Variants in PAPOLA observed in about 807,000 individuals in gnomAD.
PAPOLA encodes poly(A) polymerase alpha, also known as polynucleotide adenylyltransferase alpha.
A neutral mutation model predicts 100.6 loss-of-function variants in PAPOLA; 15 were observed. The observed-to-expected ratio is 0.15, with a 90% confidence interval of 0.10 to 0.23. The LOEUF is 0.23. Among genes scored for constraint, PAPOLA ranks in the 10% least tolerant of loss-of-function variants. PAPOLA has a pLI of 1.00. For missense variants in PAPOLA, 533 were observed against 884.2 expected (o/e 0.60, Z 5.04); for synonymous variants, 293 against 300.0 (o/e 0.98, Z 0.24).
chr14:96,542,544 C>T, intron 13 of PAPOLA: 1 of 543,058 alleles, frequency 1.8e-6, no homozygotes, highest in Non-Finnish European at 3.2e-6. Flanking sequence ...GCACTTATAG[C>T]TTGTTTTTCT....
At chr14:96,556,564 C>T in intron 19 of PAPOLA, 151 bp downstream of exon 19, 1 of 668,302 alleles carries the variant, frequency 1.5e-6, no homozygotes, top group Non-Finnish European at 2.7e-6. Context: ...TGCTTTAGTG[C>T]TGTAGTTTCT....
At chr14:96,515,865 T>A (rs1897414456) in intron 1 of PAPOLA, among the ~76,000 whole-genome samples, 1 of 152,214 alleles carries the variant, frequency 6.6e-6, no homozygotes, top group Non-Finnish European at 1.5e-5. Flanking sequence ...TAAAAATGTT[T>A]CTAGAATGGG....
At chr14:96,534,392 TGAA>T (rs1168168411) in intron 9 of PAPOLA, 96 bp from the exon 10 acceptor site, 5 of 1,538,888 alleles carry the variant, frequency 3.2e-6, no homozygotes, top group Non-Finnish European at 4.4e-6. Flanking sequence ...GAAGGCAGAA[TGAA>T]GAAGGATCAC....
rs528140102 is a variant in PAPOLA at position 96,566,525 on chromosome 14, C to T, written c.*1475C>T. ...TCACATGTGCATTTTTCATGTTAAA[C>T]TGCAATTACTTAATCTCTTCCCCTA... On this transcript the variant is annotated 3_prime_UTR_variant, in exon 22 of 22. Coordinates refer to ENST00000216277, the MANE Select transcript of PAPOLA (RefSeq NM_032632.5). 6.6e-6 allele frequency: 1 copy of T among 152,542 alleles called. No homozygotes were observed. The highest frequency in any genetic ancestry group is 1.5e-5 in the Non-Finnish European group (1 of 67,998). The allele number at this position is 152,542 out of a possible 1,614,324, so 9.4% of individuals were successfully genotyped here.
chr14:96,527,438 A>G lies in PAPOLA; in HGVS notation c.340A>G (p.Ile114Val), dbSNP rs763112459. ...RLGVHTKGAD[I>V]DALCVAPRHV... ...GGCTTAATTTTTTTTAGGTGCTGAT[A>G]TTGATGCGTTGTGTGTTGCACCAAG... Residue 114 changes from isoleucine to valine, a missense_variant, in exon 5 of 22, where the codon ATT (isoleucine) becomes GTT (valine). Physicochemically the swap from Ile to Val is conservative, Grantham distance 29 (BLOSUM62 3). Coordinates refer to ENST00000216277, the MANE Select transcript of PAPOLA (RefSeq NM_032632.5). 2.2e-5 allele frequency: 36 copies of G among 1,606,586 alleles called. 1 individual carries two copies. The Admixed American group carries it at 5.9e-4, about 26-fold the overall frequency.
chr14:96,533,273 C>G, intron 9 of PAPOLA: 4 of 984,672 alleles, frequency 4.1e-6, no homozygotes, highest in Non-Finnish European at 4.8e-6. Context: ...TGCCTTGGCC[C>G]AAAAGGTGAG....
chr14:96,542,700 T>G (rs1900089689), intron 13 of PAPOLA, 74 bp from the exon 14 acceptor site: 6 of 1,366,322 alleles, frequency 4.4e-6, no homozygotes, highest in Non-Finnish European at 6.0e-6. Flanking sequence ...TGAAATGCCC[T>G]GGTATGTGCA....
At position 96,547,673 on chromosome 14, in the gene PAPOLA, CCGAT is replaced by C. The variant is rs1900496634; in HGVS notation, c.1400-122_1400-119del. 3 of 671,034 alleles carry C rather than the reference CCGAT, an allele frequency of 4.5e-6. No individual in the cohort carries two copies. The Admixed American group carries it at 1.0e-4, about 23-fold the overall frequency. 41.6% of individuals were successfully genotyped at this position (671,034 alleles called of 1,614,324 possible). The stretch of plus-strand genomic sequence containing the variant: ...ATGTCAGATTAGGAATAGGTCTTGA[CCGAT>C]CTACAGATATGCAGTATTGATGGAA... On this transcript the variant is annotated intron_variant, in intron 15 of 21. Transcript: ENST00000216277.
At chr14:96,536,773 C>T in intron 11 of PAPOLA, 1 of 410,582 alleles carries the variant, frequency 2.4e-6, no homozygotes, top group Non-Finnish European at 4.4e-6. Flanking sequence ...TACCAGAAAC[C>T]TGGTTCTCAA....
intron 1 of PAPOLA, among the ~76,000 whole-genome samples, chr14:96,518,029 G>T (rs1458668433): frequency 6.6e-6 from 1 of 152,168 alleles, no homozygotes; most frequent in African/African-American, 2.4e-5. Flanking sequence ...GCTTAATGCT[G>T]ATGGGGATTA....
At chr14:96,518,940 C>G (rs998207777) in intron 1 of PAPOLA, among the ~76,000 whole-genome samples, 2 of 151,816 alleles carry the variant, frequency 1.3e-5, no homozygotes, top group African/African-American at 4.8e-5. Context: ...ACCTGTAGTC[C>G]CAGCTACTCG....
rs765279325 is a variant in PAPOLA, at chr14:96,565,078, A to G, written c.*28A>G. ...ACAACCTCAGGGGTCCATAAACAAT[A>G]TCTGCCAACTCAACCTGTTGTCTTC... On this transcript the variant is annotated 3_prime_UTR_variant, in exon 22 of 22. Coordinates refer to ENST00000216277, the MANE Select transcript of PAPOLA (RefSeq NM_032632.5). The G allele has an allele frequency of 1.2e-5, 13 of 1,078,878 alleles. No homozygotes were observed. Among genetic ancestry groups the G allele is most frequent in the Admixed American group, 6.8e-5 (4 of 59,220 alleles). 66.8% of individuals were successfully genotyped at this position (1,078,878 alleles called of 1,614,324 possible).
intron 12 of PAPOLA, among the ~76,000 whole-genome samples, chr14:96,539,248 A>G (rs966700953): frequency 6.6e-6 from 1 of 152,152 alleles, no homozygotes; most frequent in African/African-American, 2.4e-5. Flanking sequence ...AGATGATTTT[A>G]TAATTTCATG....
intron 1 of PAPOLA, chr14:96,502,839 G>A: frequency 2.3e-6 from 1 of 429,628 alleles, no homozygotes; most frequent in East Asian, 3.6e-5. Flanking sequence ...GTCGGGCCGG[G>A]GGCCTTCCCC....
chr14:96,548,873 T>A (rs991753997), intron 16 of PAPOLA, among the ~76,000 whole-genome samples: 3 of 152,130 alleles, frequency 2.0e-5, no homozygotes, highest in African/African-American at 7.2e-5. Context: ...CTTAAAACAA[T>A]ATATTATGAT....
intron 6 of PAPOLA, 106 bp downstream of exon 6, chr14:96,528,112 G>T: frequency 2.7e-6 from 2 of 728,776 alleles, no homozygotes; most frequent in South Asian, 1.6e-5. Context: ...AGTTGGTTGT[G>T]ATATTAATAA....
intron 1 of PAPOLA, among the ~76,000 whole-genome samples, chr14:96,517,781 G>T (rs180829048): frequency 1.2e-3 from 172 of 142,916 alleles, no homozygotes; most frequent in African/African-American, 4.2e-3. Context: ...TTGGCTTACC[G>T]CAACCTCCAC....
At chr14:96,563,889 C>T (rs1902073094) in intron 21 of PAPOLA, among the ~76,000 whole-genome samples, 1 of 151,868 alleles carries the variant, frequency 6.6e-6, no homozygotes, top group Non-Finnish European at 1.5e-5. Context: ...TTTTGGTTTG[C>T]CACATACTCT....
chr14:96,551,838 G>A (rs1445680346), intron 16 of PAPOLA, among the ~76,000 whole-genome samples: 1 of 152,084 alleles, frequency 6.6e-6, no homozygotes, highest in Non-Finnish European at 1.5e-5. Flanking sequence ...TGTATATTAT[G>A]TTTAGTTTTC....
Sources: gnomAD v4.1 joint callset for allele counts (sites outside exome capture counted in the v4.1 genomes callset) on GRCh38, gnomAD v4.1.1 for gene constraint, MANE v1.5 for transcripts, NCBI Gene and HGNC (gene_info 2026-07-23, HGNC 2026-07-21) for gene names.